Variants in TYR observed in about 807,000 individuals in gnomAD.
TYR encodes tyrosinase.
TYR carries 58 observed loss-of-function variants against 51.5 expected under a neutral mutation model. That is an observed-to-expected ratio of 1.13 (90% confidence interval 0.91 to 1.40). The LOEUF is 1.40. Ranked by LOEUF, TYR falls within the 40% of genes most tolerant of loss-of-function variation. The probability of loss-of-function intolerance (pLI) is 0.00; values close to 1 mark genes in which losing one functional copy is unlikely to be tolerated. For missense variants in TYR, 732 were observed against 647.4 expected (o/e 1.13, Z -1.42); for synonymous variants, 263 against 235.2 (o/e 1.12, Z -1.08).
At chr11:89,211,324 T>A (rs749788408) in intron 2 of TYR, among the ~76,000 whole-genome samples, 1 of 151,054 alleles carries the variant, frequency 6.6e-6, no homozygotes, top group Non-Finnish European at 1.5e-5. Flanking sequence ...ATCCTGGTCT[T>A]TAAACTAACA....
intron 2 of TYR, among the ~76,000 whole-genome samples, chr11:89,193,435 T>C (rs1311531671): frequency 6.6e-6 from 1 of 152,138 alleles, no homozygotes; most frequent in Non-Finnish European, 1.5e-5. Flanking sequence ...ACAAATAATT[T>C]GCTACTACAA....
intron 2 of TYR, among the ~76,000 whole-genome samples, chr11:89,202,644 C>CACACACACACACACACACACACAT (rs1325924792): frequency 2.0e-5 from 3 of 151,862 alleles, no homozygotes; most frequent in African/African-American, 7.3e-5. Flanking sequence ...CACACACACA[C>CACACACACACACACACACACACAT]ACACACTGTA....
chr11:89,237,944 T>C (rs1367890487), intron 3 of TYR, among the ~76,000 whole-genome samples: 1 of 152,082 alleles, frequency 6.6e-6, no homozygotes, highest in Non-Finnish European at 1.5e-5. Context: ...CAAGCGAGTC[T>C]TGTGCCTCAG....
intron 3 of TYR, among the ~76,000 whole-genome samples, chr11:89,237,241 T>C (rs1944127834): frequency 6.6e-6 from 1 of 152,206 alleles, no homozygotes; most frequent in Non-Finnish European, 1.5e-5. Context: ...TTATTTTCGT[T>C]GCCTGTGCTT....
chr11:89,223,908 G>GTTTT (rs66544506), intron 2 of TYR, among the ~76,000 whole-genome samples: 4,474 of 143,066 alleles, frequency 0.031, 118 homozygotes, highest in African/African-American at 0.069. Flanking sequence ...TTCTTTAGCT[G>GTTTT]TTTTTTTTTT....
At chr11:89,205,913 A>G (rs1943666435) in intron 2 of TYR, among the ~76,000 whole-genome samples, 1 of 152,194 alleles carries the variant, frequency 6.6e-6, no homozygotes, top group Non-Finnish European at 1.5e-5. Flanking sequence ...TTTAAGACAA[A>G]TAAGGTTTTA....
chr11:89,201,222 A>G (rs986079227), intron 2 of TYR, among the ~76,000 whole-genome samples: 4 of 140,504 alleles, frequency 2.8e-5, no homozygotes, highest in African/African-American at 9.3e-5. Context: ...AGCATTGGCA[A>G]AAAAGAAAAA....
rs951676764 is a variant in TYR, at chr11:89,198,769, A to ATATATATATATATTT, written c.1036+7352_1036+7353insATATATATATATTTT. On this transcript the variant is annotated intron_variant, in intron 2 of 4. Transcript: ENST00000263321. The stretch of plus-strand genomic sequence containing the variant: ...ACTTTTTTCTCATATATATATATAT[A>ATATATATATATATTT]TTTTTATACTTTAAGTTCTAGGGTA... 7.6e-3 allele frequency among the ~76,000 whole-genome samples: 1,143 copies of ATATATATATATATTT among 151,046 alleles called. 16 individuals are homozygous for ATATATATATATATTT. The highest frequency in any genetic ancestry group is 0.027 in the African/African-American group (1,080 of 40,700).
chr11:89,215,772 T>A (rs74585501), intron 2 of TYR, among the ~76,000 whole-genome samples: 13 of 152,102 alleles, frequency 8.5e-5, no homozygotes, highest in Non-Finnish European at 1.2e-4. Context: ...AGAAATGTCA[T>A]AAGAATCCCA....
chr11:89,259,015 T>G (rs1944427266), intron 3 of TYR, among the ~76,000 whole-genome samples: 1 of 152,072 alleles, frequency 6.6e-6, no homozygotes, highest in African/African-American at 2.4e-5. Flanking sequence ...GCTGCACGAA[T>G]CAGTGGGTGT....
intron 3 of TYR, among the ~76,000 whole-genome samples, chr11:89,266,660 A>G (rs1422410224): frequency 1.1e-4 from 16 of 152,024 alleles, no homozygotes; most frequent in Non-Finnish European, 8.8e-5. Context: ...GAATAAATTC[A>G]AATACTTTGG....
intron 2 of TYR, among the ~76,000 whole-genome samples, chr11:89,220,770 T>TCAAAA (rs538393479): frequency 1.1e-4 from 16 of 151,314 alleles, no homozygotes; most frequent in East Asian, 5.8e-4. Flanking sequence ...AAAACAAAAC[T>TCAAAA]CAAAACAAAA....
chr11:89,230,096 A>C (rs569385563), intron 3 of TYR, among the ~76,000 whole-genome samples: 1 of 152,278 alleles, frequency 6.6e-6, no homozygotes, highest in Admixed American at 6.6e-5. Context: ...AATTTTGAGC[A>C]AAAAGAACAA....
Position 89,295,457 on chromosome 11 carries a change from T to C in TYR, c.*91T>C. On this transcript the variant is annotated 3_prime_UTR_variant, in exon 5 of 5. Transcript: ENST00000263321. ...TTCCCAGAGAATATCTGCTGGTATT[T>C]TTCTGTAAAGACCATTTGCAAAATT... The C allele has an allele frequency of 6.5e-7, 1 of 1,536,578 alleles. No individual in the cohort carries two copies. Among genetic ancestry groups the C allele is most frequent in the Non-Finnish European group, 8.8e-7 (1 of 1,133,030 alleles).
At chr11:89,254,497 C>T (rs138904493) in intron 3 of TYR, among the ~76,000 whole-genome samples, 2 of 151,476 alleles carry the variant, frequency 1.3e-5, no homozygotes, top group African/African-American at 4.8e-5. Context: ...ATTTCAATGT[C>T]GCTGCTTTTT....
At chr11:89,179,015 GATTC>G (rs1280288747) in intron 1 of TYR, among the ~76,000 whole-genome samples, 1 of 152,102 alleles carries the variant, frequency 6.6e-6, no homozygotes. Flanking sequence ...CAGAGTACTT[GATTC>G]ATTATTGCAT....
In TYR at chr11:89,222,456, G is replaced by A. The variant is rs181682241; in HGVS notation, c.1037-5367G>A. 1.4e-4 allele frequency among the ~76,000 whole-genome samples: 22 copies of A among 152,196 alleles called. No individual in the cohort carries two copies. In the East Asian group the frequency reaches 4.1e-3, roughly 28 times the overall value. ...ACTAGTTGCAATTTTCTATTGTTGGGTGCCGGGCACGGTGTCTCACGCCTG... is the reference window on the plus strand; with the variant it reads ...ACTAGTTGCAATTTTCTATTGTTGGATGCCGGGCACGGTGTCTCACGCCTG... On this transcript the variant is annotated intron_variant, in intron 2 of 4. Transcript: ENST00000263321.
chr11:89,278,381 C>A (rs1190812465), intron 3 of TYR, among the ~76,000 whole-genome samples: 3 of 151,590 alleles, frequency 2.0e-5, no homozygotes, highest in Admixed American at 2.0e-4. Context: ...GAAAACTTCA[C>A]CAATGCTGGG....
chr11:89,179,749 T>G lies in TYR; in HGVS notation c.819+977T>G, dbSNP rs1217079351. Among the ~76,000 whole-genome samples the G allele has an allele frequency of 2.6e-5, 4 of 152,370 alleles. No individual in the cohort carries two copies. In the East Asian group the frequency reaches 5.8e-4, roughly 22 times the overall value. On this transcript the variant is annotated intron_variant, in intron 1 of 4. Coordinates refer to ENST00000263321, the MANE Select transcript of TYR (RefSeq NM_000372.5). ...TAGATAAAATATGAAGCATTACTAT[T>G]TGGAATTGAATTCCTATTTCATCTA... is the stretch of plus-strand genomic sequence containing the variant.
Sources: allele counts gnomAD v4.1 joint callset (sites outside exome capture counted in the v4.1 genomes callset), GRCh38; gene constraint gnomAD v4.1.1; transcripts MANE v1.5; gene names NCBI Gene and HGNC (gene_info 2026-07-23, HGNC 2026-07-21).